Variants in C16orf74 observed in about 807,000 individuals in gnomAD.
The protein encoded by C16orf74 is uncharacterized protein C16orf74.
Under a neutral mutation model 6.5 loss-of-function variants are expected in C16orf74, and 10 were observed. That is an observed-to-expected ratio of 1.54 (90% CI 0.95 to 2.61). C16orf74 has a LOEUF of 2.61. Among genes scored for constraint, C16orf74 ranks in the 30% most tolerant of loss-of-function variants. The pLI is 0.00. For missense variants in C16orf74, 141 were observed against 105.9 expected, an observed-to-expected ratio of 1.33 and a Z score of -1.45; for synonymous variants, 60 against 42.5, an observed-to-expected ratio of 1.41 and a Z score of -1.60.
At chr16:85,722,852 C>T (rs753795290) in intron 2 of C16orf74, among the ~76,000 whole-genome samples, 14 of 152,202 alleles carry the variant, frequency 9.2e-5, no homozygotes, top group Non-Finnish European at 2.1e-4. Context: ...CCAGGCGCCA[C>T]GGTGCCAGTG....
rs562719549 is a variant in C16orf74, at chr16:85,707,717, C to T, written c.*291G>A. 61 of 447,222 alleles carry T rather than the reference C, an allele frequency of 1.4e-4. No individual in the cohort carries two copies. The highest frequency in any genetic ancestry group is 1.2e-3 in the African/African-American group (58 of 48,854). The allele number at this position is 447,222 out of a possible 1,614,324, so 27.7% of individuals were successfully genotyped here. On this transcript the variant is annotated 3_prime_UTR_variant, in exon 4 of 4. Transcript: ENST00000284245. ...TGTTTGTCCAGAAGAGAGCCTCTCC[C>T]TGGGACCCCAACAGCCAGGACCATG...
chr16:85,739,832 G>A (rs541991376), intron 1 of C16orf74, among the ~76,000 whole-genome samples: 1 of 152,138 alleles, frequency 6.6e-6, no homozygotes, highest in Non-Finnish European at 1.5e-5. Context: ...ACAGTCAGAA[G>A]AGAAACAACT....
At chr16:85,714,025 T>A (rs1598781461) in intron 2 of C16orf74, among the ~76,000 whole-genome samples, 1 of 152,150 alleles carries the variant, frequency 6.6e-6, no homozygotes. Flanking sequence ...GAGGGTGGTT[T>A]GGGGAAGCCC....
chr16:85,736,385 C>T (rs958828084), intron 1 of C16orf74, among the ~76,000 whole-genome samples: 1 of 152,098 alleles, frequency 6.6e-6, no homozygotes, highest in Non-Finnish European at 1.5e-5. Context: ...CCCAGGCGCA[C>T]AAGGCCCCAG....
Position 85,748,337 on chromosome 16 carries a change from C to G in C16orf74, c.-19+2589G>C, listed in dbSNP as rs112207663. 2.6e-3 allele frequency among the ~76,000 whole-genome samples: 388 copies of G among 151,874 alleles called. 1 individual carries two copies. Among genetic ancestry groups the G allele is most frequent in the Non-Finnish European group, 4.9e-3 (331 of 67,970 alleles). On this transcript the variant is annotated intron_variant, in intron 1 of 3. Coordinates refer to ENST00000284245, the MANE Select transcript of C16orf74 (RefSeq NM_206967.3). ...TATCTGGGCTGGGTGCAGTGGCTCA[C>G]GCCTGTAATTCCAGCAATTTGGGAG... is the stretch of plus-strand genomic sequence containing the variant.
At chr16:85,730,273 C>T (rs1293374771) in intron 2 of C16orf74, among the ~76,000 whole-genome samples, 4 of 152,134 alleles carry the variant, frequency 2.6e-5, no homozygotes, top group South Asian at 2.1e-4. Context: ...GAACGGGTCT[C>T]GGAGCTGCCT....
chr16:85,731,553 G>A (rs917549017), intron 2 of C16orf74, among the ~76,000 whole-genome samples: 1 of 152,166 alleles, frequency 6.6e-6, no homozygotes, highest in Non-Finnish European at 1.5e-5. Context: ...GGTGCCCTGG[G>A]CAGCGTGTAG....
intron 1 of C16orf74, chr16:85,743,309 A>C (rs1384831618): frequency 2.6e-5 from 4 of 152,232 alleles, no homozygotes; most frequent in African/African-American, 9.6e-5. Context: ...CGTCATGACA[A>C]TATCAGCTGA....
At chr16:85,720,981 C>T (rs2152060224) in intron 2 of C16orf74, among the ~76,000 whole-genome samples, 1 of 152,190 alleles carries the variant, frequency 6.6e-6, no homozygotes, top group South Asian at 2.1e-4. Flanking sequence ...ATCCCAGCTA[C>T]TTGGGAGGCT....
At chr16:85,723,790 G>A (rs1648610503) in intron 2 of C16orf74, among the ~76,000 whole-genome samples, 1 of 152,228 alleles carries the variant, frequency 6.6e-6, no homozygotes, top group African/African-American at 2.4e-5. Context: ...CTGTGGGGCT[G>A]ACAGGAGCCA....
intron 2 of C16orf74, among the ~76,000 whole-genome samples, chr16:85,726,837 C>G (rs1277418124): frequency 6.6e-6 from 1 of 152,170 alleles, no homozygotes; most frequent in Non-Finnish European, 1.5e-5. Flanking sequence ...TCCAGTTCCT[C>G]CACCATGCAC....
intron 2 of C16orf74, among the ~76,000 whole-genome samples, chr16:85,729,122 A>T (rs2054162811): frequency 6.6e-6 from 1 of 150,400 alleles, no homozygotes; most frequent in Non-Finnish European, 1.5e-5. Flanking sequence ...CAAGGAGACG[A>T]CTCCCCCTTT....
chr16:85,710,429 A>G (rs2053958480), intron 2 of C16orf74, 122 bp from the exon 3 acceptor site: 1 of 906,506 alleles, frequency 1.1e-6, no homozygotes, highest in Admixed American at 4.1e-5. Context: ...GACGCCTCGC[A>G]GCAAGGAGCG....
chr16:85,713,929 C>G (rs762314914), intron 2 of C16orf74, among the ~76,000 whole-genome samples: 1 of 152,190 alleles, frequency 6.6e-6, no homozygotes, highest in Non-Finnish European at 1.5e-5. Context: ...TGGTCTTAAC[C>G]TGGGTCCCTT....
intron 1 of C16orf74, among the ~76,000 whole-genome samples, chr16:85,736,574 G>A (rs1327959988): frequency 2.6e-5 from 4 of 152,104 alleles, no homozygotes; most frequent in Admixed American, 2.0e-4. Context: ...TGGGAAGGGA[G>A]GGAAAGCGAG....
At chr16:85,746,740 T>A (rs2054377548) in intron 1 of C16orf74, among the ~76,000 whole-genome samples, 2 of 152,134 alleles carry the variant, frequency 1.3e-5, no homozygotes, top group Non-Finnish European at 2.9e-5. Flanking sequence ...CCCCTTCAGC[T>A]CTCTGGGCCT....
intron 3 of C16orf74, among the ~76,000 whole-genome samples, chr16:85,709,289 G>T (rs1037871248): frequency 5.9e-5 from 9 of 152,190 alleles, no homozygotes; most frequent in African/African-American, 2.2e-4. Context: ...AGGAGGTGGA[G>T]GTTGCAGTGA....
At chr16:85,741,257 C>A (rs927492346) in intron 1 of C16orf74, among the ~76,000 whole-genome samples, 1 of 152,126 alleles carries the variant, frequency 6.6e-6, no homozygotes, top group African/African-American at 2.4e-5. Context: ...AGGCTCTGGC[C>A]GAGCAAAGGA....
rs139585837 is a variant in C16orf74 at position 85,718,722 on chromosome 16, C to T, written c.29-8415G>A. Among the ~76,000 whole-genome samples, 129 of 152,376 alleles carry T rather than the reference C, an allele frequency of 8.5e-4. 1 individual carries two copies. Among genetic ancestry groups the T allele is most frequent in the African/African-American group, 3.0e-3 (123 of 41,588 alleles). On this transcript the variant is annotated intron_variant, in intron 2 of 3. Transcript: ENST00000284245. The stretch of plus-strand genomic sequence containing the variant: ...GATGAGAAAACTCCAGTGCTGGCCT[C>T]GCTGTGCACACGTAATAAACACAAG...
Sources: allele counts gnomAD v4.1 joint callset (sites outside exome capture counted in the v4.1 genomes callset), GRCh38; gene constraint gnomAD v4.1.1; transcripts MANE v1.5; gene names NCBI Gene and HGNC (gene_info 2026-07-23, HGNC 2026-07-21).